The following CPEB3 variants were observed in gnomAD, a reference collection of about 807,000 sequenced individuals.
The protein encoded by CPEB3 is cytoplasmic polyadenylation element-binding protein 3.
In CPEB3, 20 loss-of-function variants were observed where a neutral mutation model predicts 67.2. That is an observed-to-expected ratio of 0.30 (90% confidence interval 0.21 to 0.43). CPEB3 has a LOEUF of 0.43. Ranked by LOEUF, CPEB3 falls within the 20% of genes least tolerant of loss-of-function variation. The probability of loss-of-function intolerance (pLI) is 1.00; values close to 1 mark genes in which losing one functional copy is unlikely to be tolerated. For synonymous variants in CPEB3, 376 were observed against 393.1 expected, an observed-to-expected ratio of 0.96 and a Z score of 0.51; for missense variants, 746 against 968.6, an observed-to-expected ratio of 0.77 and a Z score of 3.05.
chr10:92,119,474 T>C (rs1845223768), intron 6 of CPEB3, among the ~76,000 whole-genome samples: 1 of 152,196 alleles, frequency 6.6e-6, no homozygotes, highest in Non-Finnish European at 1.5e-5. Flanking sequence ...AAAGGTCAGC[T>C]TTTGGTTCCT....
At chr10:92,185,273 A>C (rs1177347745) in intron 3 of CPEB3, among the ~76,000 whole-genome samples, 1 of 152,194 alleles carries the variant, frequency 6.6e-6, no homozygotes, top group African/African-American at 2.4e-5. Flanking sequence ...CAAAAACTGG[A>C]AGGCATACTT....
chr10:92,286,275 G>A (rs919816197), intron 1 of CPEB3, among the ~76,000 whole-genome samples: 11 of 151,720 alleles, frequency 7.3e-5, no homozygotes, highest in African/African-American at 2.7e-4. Flanking sequence ...TAGGTATGTA[G>A]ATTGTATGCC....
intron 2 of CPEB3, chr10:92,216,457 C>G (rs1850401394): frequency 1.6e-5 from 26 of 1,612,772 alleles, no homozygotes; most frequent in Non-Finnish European, 1.8e-5. Flanking sequence ...CTTCTCGCCG[C>G]CTCAAGCGGA....
At chr10:92,158,168 C>A (rs1847295524) in intron 4 of CPEB3, among the ~76,000 whole-genome samples, 1 of 152,006 alleles carries the variant, frequency 6.6e-6, no homozygotes, top group African/African-American at 2.4e-5. Context: ...TCTATGTATT[C>A]TTGGAACTAT....
At chr10:92,289,652 G>A (rs1842709834) in intron 1 of CPEB3, among the ~76,000 whole-genome samples, 2 of 143,290 alleles carry the variant, frequency 1.4e-5, no homozygotes, top group African/African-American at 5.3e-5. Context: ...GACCAATGCG[G>A]GTGGCTCGCT....
chr10:92,224,952 T>C (rs1197195062), intron 2 of CPEB3, among the ~76,000 whole-genome samples: 1 of 148,250 alleles, frequency 6.7e-6, no homozygotes, highest in Admixed American at 6.7e-5. Flanking sequence ...TTTAAAAAAA[T>C]GAACCCTACC....
At chr10:92,287,716 T>C (rs1842597850) in intron 1 of CPEB3, among the ~76,000 whole-genome samples, 1 of 152,200 alleles carries the variant, frequency 6.6e-6, no homozygotes, top group South Asian at 2.1e-4. Context: ...AAGTGTACAA[T>C]GGGTTTTTGA....
rs1016552810 is a variant in CPEB3, at chr10:92,239,612, T to C, written c.739A>G (p.Ser247Gly). 7 of 1,557,018 alleles carry C rather than the reference T, an allele frequency of 4.5e-6. No individual in the cohort carries two copies. In the African/African-American group the frequency reaches 9.5e-5, roughly 21 times the overall value. Residue 247 changes from serine (S) to glycine (G), a missense_variant, in exon 2 of 10, where the codon AGC (serine) becomes GGC (glycine). Physicochemically the swap from Ser to Gly is moderately conservative, Grantham distance 56 (BLOSUM62 0). Coordinates refer to ENST00000265997, the MANE Select transcript of CPEB3 (RefSeq NM_014912.5). The surrounding 1 kb of genome is among the most constrained non-coding windows in gnomAD (Gnocchi z 6.0). The part of the protein sequence containing the change: ...SASSSWNTHQ[S>G]VNAAWSAPSN... Reference sequence around the variant, plus strand: ...GGTGCGCTCCAGGCTGCATTCACGCTTTGGTGCGTGTTCCAGCTGGACGAG... The same window carrying C: ...GGTGCGCTCCAGGCTGCATTCACGCCTTGGTGCGTGTTCCAGCTGGACGAG...
chr10:92,217,039 T>TAAAAAAAAAAAAAA, intron 2 of CPEB3, among the ~76,000 whole-genome samples: 1 of 104,554 alleles, frequency 9.6e-6, no homozygotes, highest in Non-Finnish European at 2.0e-5. Context: ...ATGCTAAGAC[T>TAAAAAAAAAAAAAA]AAAAAAAAAA....
At chr10:92,201,553 CAAAA>C (rs1367455673) in intron 2 of CPEB3, among the ~76,000 whole-genome samples, 2 of 151,518 alleles carry the variant, frequency 1.3e-5, no homozygotes, top group Admixed American at 6.6e-5. Context: ...AACAAACAAA[CAAAA>C]ACCAACAAAA....
intron 2 of CPEB3, among the ~76,000 whole-genome samples, chr10:92,217,206 CAAAAAAAAAAA>C (rs1163974877): frequency 3.9e-5 from 1 of 25,436 alleles, no homozygotes; most frequent in African/African-American, 1.8e-4. Flanking sequence ...GACTCTGCCT[CAAAAAAAAAAA>C]AAAAAAAAAA....
intron 2 of CPEB3, chr10:92,216,376 G>A (rs1850393196): frequency 4.3e-6 from 7 of 1,612,108 alleles, no homozygotes; most frequent in South Asian, 1.1e-5. Context: ...AGGCTCAGGC[G>A]GAGGTGTGTT....
intron 7 of CPEB3, among the ~76,000 whole-genome samples, chr10:92,106,006 C>A (rs529796346): frequency 6.6e-6 from 1 of 152,210 alleles, no homozygotes. Flanking sequence ...GATTCTTGTG[C>A]CTCAACATCC....
chr10:92,139,599 G>A (rs1207574353), intron 6 of CPEB3, among the ~76,000 whole-genome samples: 1 of 152,104 alleles, frequency 6.6e-6, no homozygotes, highest in Non-Finnish European at 1.5e-5. Flanking sequence ...TAATTAGATG[G>A]AATGAATAAG....
At chr10:92,231,911 G>C (rs1851287669) in intron 2 of CPEB3, among the ~76,000 whole-genome samples, 2 of 151,660 alleles carry the variant, frequency 1.3e-5, no homozygotes, top group African/African-American at 2.4e-5. Context: ...GTAGAGACAG[G>C]GTTTCACCAG....
At chr10:92,169,497 C>T (rs1220379578) in intron 4 of CPEB3, among the ~76,000 whole-genome samples, 1 of 152,178 alleles carries the variant, frequency 6.6e-6, no homozygotes, top group Non-Finnish European at 1.5e-5. Flanking sequence ...AGCCTTCTCT[C>T]CCCCAGTAAA....
chr10:92,198,656 C>A (rs1014003437), intron 2 of CPEB3, among the ~76,000 whole-genome samples: 2 of 152,188 alleles, frequency 1.3e-5, no homozygotes, highest in Non-Finnish European at 2.9e-5. Flanking sequence ...ATGTGCTAGG[C>A]ACTGGACTAA....
chr10:92,208,232 T>C (rs1363425589), intron 2 of CPEB3, among the ~76,000 whole-genome samples: 1 of 152,200 alleles, frequency 6.6e-6, no homozygotes, highest in Non-Finnish European at 1.5e-5. Flanking sequence ...TGGTAATATT[T>C]CCCTACAAAT....
chr10:92,124,558 G>C (rs1431677364), intron 6 of CPEB3, among the ~76,000 whole-genome samples: 1 of 151,932 alleles, frequency 6.6e-6, no homozygotes, highest in Non-Finnish European at 1.5e-5. Flanking sequence ...TTAAAATATA[G>C]GGTTCATAAA....
Sources: gnomAD v4.1 joint callset for allele counts (sites outside exome capture counted in the v4.1 genomes callset) on GRCh38, gnomAD v4.1.1 for gene constraint, Gnocchi (gnomAD v3.1) non-coding constraint, MANE v1.5 for transcripts, NCBI Gene and HGNC (gene_info 2026-07-23, HGNC 2026-07-21) for gene names.